The following AMPH variants were observed in gnomAD, a reference collection of about 807,000 sequenced individuals.
The protein encoded by AMPH is amphiphysin.
In AMPH, 49 loss-of-function variants were observed where a neutral mutation model predicts 99.1. That is an observed-to-expected ratio of 0.49 (90% confidence interval 0.39 to 0.63). AMPH has a LOEUF of 0.63. Among genes scored for constraint, AMPH ranks in the 20% least tolerant of loss-of-function variants. AMPH has a pLI of 0.00. For missense variants in AMPH, 759 were observed against 863.4 expected, an observed-to-expected ratio of 0.88 and a Z score of 1.52; for synonymous variants, 314 against 317.3, an observed-to-expected ratio of 0.99 and a Z score of 0.11.
chr7:38,406,634 T>G (rs1032749208), intron 17 of AMPH, among the ~76,000 whole-genome samples: 5 of 151,008 alleles, frequency 3.3e-5, no homozygotes, highest in Non-Finnish European at 7.4e-5. Flanking sequence ...ATGGGCACCA[T>G]CCAATCAGCT....
chr7:38,447,779 C>CACACACACAA (rs58023742), intron 11 of AMPH, among the ~76,000 whole-genome samples: 35 of 150,152 alleles, frequency 2.3e-4, no homozygotes, highest in Non-Finnish European at 4.0e-4. Context: ...CACACACACA[C>CACACACACAA]CCATACACAA....
chr7:38,495,681 TA>T (rs1788906990), intron 3 of AMPH, among the ~76,000 whole-genome samples: 1 of 152,168 alleles, frequency 6.6e-6, no homozygotes, highest in Admixed American at 6.5e-5. Flanking sequence ...CTGTATTATT[TA>T]AAACTATGAA....
intron 16 of AMPH, among the ~76,000 whole-genome samples, chr7:38,421,801 CTCTTCATTCA>C (rs371227314): frequency 2.9e-4 from 44 of 152,182 alleles, no homozygotes; most frequent in Middle Eastern, 3.4e-3. Context: ...CTCTTAAGGT[CTCTTCATTCA>C]TCTTTACTAG....
intron 11 of AMPH, among the ~76,000 whole-genome samples, chr7:38,448,208 A>C (rs1786865642): frequency 6.6e-6 from 1 of 152,198 alleles, no homozygotes; most frequent in South Asian, 2.1e-4. Context: ...GGTACATTAC[A>C]GTTAATGTGA....
At chr7:38,540,662 A>T (rs1039790740) in intron 1 of AMPH, among the ~76,000 whole-genome samples, 1 of 141,860 alleles carries the variant, frequency 7.0e-6, no homozygotes, top group East Asian at 2.1e-4. Flanking sequence ...ATCAAAGAAA[A>T]GTCAAGCTAT....
chr7:38,611,795 A>G (rs1793689534), intron 1 of AMPH, among the ~76,000 whole-genome samples: 2 of 152,174 alleles, frequency 1.3e-5, no homozygotes, highest in Non-Finnish European at 2.9e-5. Flanking sequence ...GGTGTCTCAA[A>G]TATTTTTCCG....
At chr7:38,428,412 A>G (rs1310167990) in intron 14 of AMPH, 3 of 456,572 alleles carry the variant, frequency 6.6e-6, no homozygotes, top group Non-Finnish European at 1.3e-5. Flanking sequence ...ATCTCTTCCC[A>G]GAGAATAATT....
Position 38,494,488 on chromosome 7 carries a change from TGCA to T in AMPH, c.242_244del (p.Leu81del). ...ATACCAGTCAGGCTCATAGACTTCA[TGCA>T]GCGACTCTGTGAGCTTCATGGAGGC... On this transcript the variant is annotated inframe_deletion, in exon 4 of 21. Transcript: ENST00000356264. 1.2e-6 allele frequency: 2 copies of T among 1,613,952 alleles called. No individual in the cohort carries two copies. Among genetic ancestry groups the T allele is most frequent in the Non-Finnish European group, 8.5e-7 (1 of 1,179,878 alleles).
intron 17 of AMPH, among the ~76,000 whole-genome samples, chr7:38,397,682 A>G (rs973802988): frequency 1.3e-5 from 2 of 152,210 alleles, no homozygotes; most frequent in Admixed American, 1.3e-4. Context: ...CAAGTTAAAA[A>G]GCCTCTGCAC....
At chr7:38,444,554 T>C (rs552324557) in intron 11 of AMPH, among the ~76,000 whole-genome samples, 1 of 152,130 alleles carries the variant, frequency 6.6e-6, no homozygotes, top group South Asian at 2.1e-4. Context: ...GAGTGATGTA[T>C]CTGCAAGCCA....
At chr7:38,526,851 C>T (rs1790210155) in intron 2 of AMPH, among the ~76,000 whole-genome samples, 1 of 152,130 alleles carries the variant, frequency 6.6e-6, no homozygotes, top group Admixed American at 6.5e-5. Context: ...AACCCTAGAT[C>T]CCAAAGATTT....
At chr7:38,574,885 C>T (rs1288756027) in intron 1 of AMPH, among the ~76,000 whole-genome samples, 1 of 151,822 alleles carries the variant, frequency 6.6e-6, no homozygotes, top group Non-Finnish European at 1.5e-5. Context: ...GAAACCCCGT[C>T]TCTACTAAAA....
At position 38,394,009 on chromosome 7, in the gene AMPH, G is replaced by A; in HGVS notation, c.1604C>T (p.Pro535Leu). Residue 535 changes from proline to leucine, a missense_variant, in exon 18 of 21, where the codon CCT becomes CTT. Pro to Leu is a moderately conservative substitution (Grantham distance 98). Around this residue, in one of 2 missense-constraint regions of AMPH, gnomAD observed 554 missense variants for 575.6 expected, o/e 0.96. Transcript: ENST00000356264. ...PEAEELEATV[P>L]QEKVIPSVVI... Reference sequence around the variant, plus strand: ...GCTGCGACATGGGACACTCACCTGAGGCACTGTTGCTTCGAGCTCCTCTGC... The same window carrying A: ...GCTGCGACATGGGACACTCACCTGAAGCACTGTTGCTTCGAGCTCCTCTGC... The A allele has an allele frequency of 2.5e-6, 4 of 1,614,190 alleles. No individual in the cohort carries two copies. The highest frequency in any genetic ancestry group is 1.7e-6 in the Non-Finnish European group (2 of 1,180,030).
chr7:38,593,819 G>A (rs1792947966), intron 1 of AMPH, among the ~76,000 whole-genome samples: 1 of 152,208 alleles, frequency 6.6e-6, no homozygotes, highest in African/African-American at 2.4e-5. Context: ...AACACATAGT[G>A]CGTGAGATGA....
At chr7:38,617,135 A>G (rs17171421) in intron 1 of AMPH, among the ~76,000 whole-genome samples, 12,218 of 152,304 alleles carry the variant, frequency 0.08, 812 homozygotes, top group African/African-American at 0.17. Context: ...AACAACATAC[A>G]TGCACAGTCT....
chr7:38,510,710 C>T (rs1584187003), intron 2 of AMPH, among the ~76,000 whole-genome samples: 1 of 152,156 alleles, frequency 6.6e-6, no homozygotes, highest in Admixed American at 6.5e-5. Flanking sequence ...AAGAGCCCAC[C>T]AGCTTGACCC....
chr7:38,495,993 G>A (rs942792496), intron 3 of AMPH, among the ~76,000 whole-genome samples: 2 of 152,072 alleles, frequency 1.3e-5, no homozygotes, highest in Non-Finnish European at 2.9e-5. Context: ...ATGCGCCTCC[G>A]GCAGAAGACT....
At chr7:38,587,969 A>T (rs1792723752) in intron 1 of AMPH, among the ~76,000 whole-genome samples, 1 of 151,040 alleles carries the variant, frequency 6.6e-6, no homozygotes, top group African/African-American at 2.4e-5. Context: ...TGTGTGAGAG[A>T]GAGATAGGGT....
At chr7:38,394,763 A>G (rs892576530) in intron 17 of AMPH, among the ~76,000 whole-genome samples, 20 of 152,172 alleles carry the variant, frequency 1.3e-4, no homozygotes, top group African/African-American at 4.8e-4. Flanking sequence ...GGCATGAGTG[A>G]GTTTGTCCCC....
Sources: gnomAD v4.1 joint callset for allele counts (sites outside exome capture counted in the v4.1 genomes callset) on GRCh38, gnomAD v4.1.1 for gene constraint, gnomAD v4.1.1 regional missense constraint, MANE v1.5 for transcripts, NCBI Gene and HGNC (gene_info 2026-07-23, HGNC 2026-07-21) for gene names.